Variants in PRR5L observed in about 807,000 individuals in gnomAD.
PRR5L encodes the protein proline-rich protein 5-like.
Under a neutral mutation model 36.4 loss-of-function variants are expected in PRR5L, and 21 were observed. The ratio of observed to expected loss-of-function variants is 0.58; its 90% CI spans 0.41 to 0.83. PRR5L has a LOEUF of 0.83. Among genes scored for constraint, PRR5L ranks in the 40% least tolerant of loss-of-function variants. PRR5L has a pLI of 0.00. For synonymous variants in PRR5L, 188 were observed against 197.0 expected, an observed-to-expected ratio of 0.95 and a Z score of 0.38; for missense variants, 381 against 473.3, an observed-to-expected ratio of 0.80 and a Z score of 1.81.
intron 1 of PRR5L, chr11:36,376,527 G>A (rs986469663): frequency 1.9e-6 from 2 of 1,029,012 alleles, no homozygotes; most frequent in Admixed American, 5.4e-5. Flanking sequence ...GAGGGACGGA[G>A]GGAGGGAGAG....
At chr11:36,429,066 T>C (rs1370468702) in intron 4 of PRR5L, among the ~76,000 whole-genome samples, 2 of 152,140 alleles carry the variant, frequency 1.3e-5, no homozygotes, top group Non-Finnish European at 2.9e-5. Flanking sequence ...AGATTTTTTT[T>C]CCTAAGGTCT....
chr11:36,444,939 A>G (rs1421301577), intron 6 of PRR5L, among the ~76,000 whole-genome samples: 1 of 152,228 alleles, frequency 6.6e-6, no homozygotes, highest in African/African-American at 2.4e-5. Context: ...AATCCATCCA[A>G]CAGAGGTAGT....
intron 1 of PRR5L, among the ~76,000 whole-genome samples, chr11:36,348,657 A>G (rs1856891814): frequency 1.3e-5 from 2 of 152,266 alleles, no homozygotes; most frequent in South Asian, 2.1e-4. Context: ...TGTCTTACAT[A>G]TTTTCATATT....
intron 1 of PRR5L, among the ~76,000 whole-genome samples, chr11:36,389,354 A>G (rs962691560): frequency 9.2e-5 from 14 of 152,162 alleles, no homozygotes; most frequent in Non-Finnish European, 1.5e-4. Context: ...TGAAGAACAC[A>G]ATGTTGTATA....
chr11:36,392,218 TGATGGACACTTA>T (rs1252570104), intron 1 of PRR5L, among the ~76,000 whole-genome samples: 2 of 152,228 alleles, frequency 1.3e-5, no homozygotes, highest in Admixed American at 1.3e-4. Context: ...ATTCGTCTGT[TGATGGACACTTA>T]GATTGCATAC....
chr11:36,305,150 A>G (rs1317771178), intron 1 of PRR5L, among the ~76,000 whole-genome samples: 2 of 152,256 alleles, frequency 1.3e-5, no homozygotes, highest in African/African-American at 2.4e-5. Context: ...ATGAAGAGAT[A>G]AATAAAATTT....
Position 36,377,126 on chromosome 11 carries a change from C to T in PRR5L, c.-125-23871C>T, listed in dbSNP as rs1317286966. Among the ~76,000 whole-genome samples the T allele has an allele frequency of 6.6e-6, 1 of 152,200 alleles. No individual in the cohort carries two copies. The highest frequency in any genetic ancestry group is 2.4e-5 in the African/African-American group (1 of 41,460). ...GGGCAAATCTAAAGAGCTGACCCCGCTTAAGCACGGGAGATTTCGCGCCTG... is the reference window on the plus strand; with the variant it reads ...GGGCAAATCTAAAGAGCTGACCCCGTTTAAGCACGGGAGATTTCGCGCCTG... On this transcript the variant is annotated intron_variant, in intron 1 of 8. Transcript: ENST00000530639. The surrounding 1 kb of genome is among the most constrained non-coding windows in gnomAD (Gnocchi z 5.1).
chr11:36,425,738 GT>G (rs1168333203), intron 4 of PRR5L: 2 of 151,836 alleles, frequency 1.3e-5, no homozygotes, highest in Non-Finnish European at 2.9e-5. Flanking sequence ...AGACTTTGTT[GT>G]TTATCTAGGA....
At chr11:36,387,114 T>G (rs958127022) in intron 1 of PRR5L, among the ~76,000 whole-genome samples, 1 of 152,220 alleles carries the variant, frequency 6.6e-6, no homozygotes, top group South Asian at 2.1e-4. Context: ...TTACCCTGTA[T>G]CTGGGTGTGT....
chr11:36,343,966 G>A (rs915499127), intron 1 of PRR5L, among the ~76,000 whole-genome samples: 3 of 150,986 alleles, frequency 2.0e-5, no homozygotes, highest in Admixed American at 6.6e-5. Flanking sequence ...CCTGTAATTC[G>A]AGCACTTTGG....
chr11:36,420,396 A>T (rs1858238449), intron 4 of PRR5L, among the ~76,000 whole-genome samples: 1 of 152,224 alleles, frequency 6.6e-6, no homozygotes, highest in East Asian at 1.9e-4. Flanking sequence ...TTCAGTGCCC[A>T]GCATAGCCAC....
intron 1 of PRR5L, chr11:36,376,317 A>C: frequency 2.5e-6 from 2 of 806,296 alleles, no homozygotes; most frequent in Non-Finnish European, 3.0e-6. Context: ...GGAAGAGGGG[A>C]GGAGGGGGAG....
At position 36,462,507 on chromosome 11, in the gene PRR5L, C is replaced by T. The variant is rs1201289165; in HGVS notation, c.878C>T (p.Ala293Val). The T allele has an allele frequency of 6.2e-7, 1 of 1,608,486 alleles. No homozygotes were observed. Among genetic ancestry groups the T allele is most frequent in the Non-Finnish European group, 8.5e-7 (1 of 1,177,110 alleles). ...GGCAGCGTGCGGCGGCACACGGTGGCCAATGCCCACTCGGACATCCAGCTG... is the reference window on the plus strand; with the variant it reads ...GGCAGCGTGCGGCGGCACACGGTGGTCAATGCCCACTCGGACATCCAGCTG... ...KCGSVRRHTV[A>V]NAHSDIQLLA... is the part of the protein sequence containing the mutation. The change falls in exon 9 of 9, where the codon GCC becomes GTC. Residue 293 changes from alanine (A) to valine (V), a missense_variant. Transcript: ENST00000530639.
In PRR5L at chr11:36,297,974, G is replaced by T. The variant is rs1213499900; in HGVS notation, c.-126+1536G>T. ...TGCTGTGGCAAGCTGGCATTTCAGT[G>T]GCAGGTTCTGGTGGGTGTGTAAACC... On this transcript the variant is annotated intron_variant, in intron 1 of 8. Coordinates refer to ENST00000530639, the MANE Select transcript of PRR5L (RefSeq NM_001160167.2). Among the ~76,000 whole-genome samples the T allele has an allele frequency of 2.0e-5, 3 of 152,228 alleles. No homozygotes were observed. The East Asian group carries it at 5.8e-4, about 29-fold the overall frequency.
intron 1 of PRR5L, among the ~76,000 whole-genome samples, chr11:36,299,322 G>C (rs1856348057): frequency 6.6e-6 from 1 of 152,190 alleles, no homozygotes; most frequent in Non-Finnish European, 1.5e-5. Flanking sequence ...AACCTCCAGG[G>C]ACACAGCATC....
At chr11:36,367,924 C>T (rs567639619) in intron 1 of PRR5L, among the ~76,000 whole-genome samples, 3 of 149,932 alleles carry the variant, frequency 2.0e-5, no homozygotes, top group Non-Finnish European at 3.0e-5. Flanking sequence ...GATGACCAGC[C>T]GTGGGTTAAG....
In PRR5L at chr11:36,317,972, C is replaced by G. The variant is rs879396726; in HGVS notation, c.-126+21534C>G. On this transcript the variant is annotated intron_variant, in intron 1 of 8. Transcript: ENST00000530639. ...TCTAATTTTAATATACAGTCATATA[C>G]CACATAATAACATTTTTGGTCAATG... Among the ~76,000 whole-genome samples, 4 of 152,190 alleles carry G rather than the reference C, an allele frequency of 2.6e-5. No homozygotes were observed. In the East Asian group the frequency reaches 7.7e-4, roughly 29 times the overall value.
At chr11:36,320,414 TTTTTTATGAACTGGGAATC>T (rs1279136240) in intron 1 of PRR5L, among the ~76,000 whole-genome samples, 12 of 152,070 alleles carry the variant, frequency 7.9e-5, no homozygotes, top group Admixed American at 7.9e-4. Context: ...CAGCTAATTT[TTTTTTATGAACTGGGAATC>T]TTTAAGGGCT....
chr11:36,302,471 T>G (rs1258966947), intron 1 of PRR5L, among the ~76,000 whole-genome samples: 1 of 151,988 alleles, frequency 6.6e-6, no homozygotes, highest in Admixed American at 6.6e-5. Flanking sequence ...ACAGCATAAC[T>G]AGGGGGGCTT....
Sources: gnomAD v4.1 joint callset for allele counts (sites outside exome capture counted in the v4.1 genomes callset) on GRCh38, gnomAD v4.1.1 for gene constraint, Gnocchi (gnomAD v3.1) non-coding constraint, MANE v1.5 for transcripts, NCBI Gene and HGNC (gene_info 2026-07-23, HGNC 2026-07-21) for gene names.